IRAG1: variants seen among roughly 807,000 people sequenced by gnomAD.
IRAG1 encodes the protein IP3R-associated cGMP kinase substrate.
Under a neutral mutation model 106.2 loss-of-function variants are expected in IRAG1, and 62 were observed. The observed-to-expected ratio is 0.58, with a 90% CI of 0.48 to 0.72. The LOEUF (loss-of-function observed/expected upper bound fraction) is 0.72, where lower values mean the gene tolerates loss of function less well. IRAG1 is among the 30% of genes least tolerant of loss of function. The pLI is 0.00. For synonymous variants in IRAG1, 462 were observed against 443.9 expected (o/e 1.04, Z -0.51); for missense variants, 1,064 against 1,140.7 (o/e 0.93, Z 0.97).
At chr11:10,600,172 C>A (rs1853825080) in intron 15 of IRAG1, among the ~76,000 whole-genome samples, 1 of 152,200 alleles carries the variant, frequency 6.6e-6, no homozygotes, top group Non-Finnish European at 1.5e-5. Flanking sequence ...AAGATACCAT[C>A]CCTCTTTGAA....
Position 10,573,925 on chromosome 11 carries a change from C to G in IRAG1, c.*2407G>C, listed in dbSNP as rs1369989468. ...AGCTCCTTCAGTTGTATCCAGACCC[C>G]CTGGAAGAGGCCGGGCAAATCATCC... On this transcript the variant is annotated 3_prime_UTR_variant, in exon 21 of 21. Transcript: ENST00000423302. The G allele has an allele frequency of 2.0e-5, 3 of 152,408 alleles. No individual in the cohort carries two copies. Among genetic ancestry groups the G allele is most frequent in the Non-Finnish European group, 4.4e-5 (3 of 68,220 alleles). The allele number at this position is 152,408 out of a possible 1,614,324, so 9.4% of individuals were successfully genotyped here. A position where few individuals can be genotyped will look rare whatever the true frequency, so the allele number is the denominator to read the frequency against.
chr11:10,693,075 T>A lies in IRAG1; in HGVS notation c.67+461A>T, dbSNP rs570798386. 9.9e-5 allele frequency among the ~76,000 whole-genome samples: 15 copies of A among 152,062 alleles called. 1 individual carries two copies. Among genetic ancestry groups the A allele is most frequent in the Admixed American group, 9.8e-4 (15 of 15,258 alleles). ...GGCAGAGACAGAAATAGAGGCAGGC[T>A]TAAGGATCTAGACAGGTCATGCCAG... On this transcript the variant is annotated intron_variant, in intron 1 of 20. Coordinates refer to ENST00000423302, the MANE Select transcript of IRAG1 (RefSeq NM_130385.4).
At chr11:10,601,472 G>C (rs1854002340) in intron 14 of IRAG1, among the ~76,000 whole-genome samples, 2 of 152,198 alleles carry the variant, frequency 1.3e-5, no homozygotes, top group South Asian at 4.1e-4. Context: ...ATATGTAGAT[G>C]AGGTTTTATC....
At chr11:10,607,934 A>C (rs1310351038) in intron 11 of IRAG1, among the ~76,000 whole-genome samples, 1 of 152,224 alleles carries the variant, frequency 6.6e-6, no homozygotes, top group African/African-American at 2.4e-5. Flanking sequence ...ACTGTCATCT[A>C]CAGCATACAC....
At chr11:10,639,478 C>G (rs968724801) in intron 2 of IRAG1, among the ~76,000 whole-genome samples, 11 of 152,158 alleles carry the variant, frequency 7.2e-5, no homozygotes, top group Non-Finnish European at 1.5e-5. Context: ...GAAGGCTCGC[C>G]TTACGGAACT....
intron 10 of IRAG1, among the ~76,000 whole-genome samples, chr11:10,611,312 T>C (rs561693182): frequency 2.0e-5 from 3 of 152,284 alleles, no homozygotes; most frequent in African/African-American, 7.2e-5. Context: ...TCTGACAAGG[T>C]TTCTGTGGTA....
intron 15 of IRAG1, 134 bp downstream of exon 15, chr11:10,600,784 T>C: frequency 1.7e-6 from 2 of 1,204,634 alleles, no homozygotes; most frequent in Non-Finnish European, 2.3e-6. Context: ...GAGGCCCCTG[T>C]GGGCAGCACT....
At chr11:10,683,866 C>A (rs1167791700) in intron 1 of IRAG1, among the ~76,000 whole-genome samples, 1 of 139,870 alleles carries the variant, frequency 7.1e-6, no homozygotes. Flanking sequence ...TTAGGGAAAG[C>A]AGGAAAATTG....
intron 2 of IRAG1, among the ~76,000 whole-genome samples, chr11:10,651,000 T>G (rs952501396): frequency 3.9e-5 from 6 of 152,250 alleles, no homozygotes; most frequent in African/African-American, 1.4e-4. Flanking sequence ...TTTGTAAAAA[T>G]AATGCTCCAC....
At position 10,600,829 on chromosome 11, in the gene IRAG1, G is replaced by C. The variant is rs965719701; in HGVS notation, c.2017+89C>G. On this transcript the variant is annotated intron_variant, in intron 15 of 20. Transcript: ENST00000423302. The stretch of plus-strand genomic sequence containing the variant: ...TGCTGCTCAACTGGAAATAAGTCCT[G>C]GGGCTGTTCTGACAGCTCTAATCCT... 3 of 1,531,762 alleles carry C rather than the reference G, an allele frequency of 2.0e-6. No individual in the cohort carries two copies. The African/African-American group carries it at 4.1e-5, about 21-fold the overall frequency. 94.9% of individuals were successfully genotyped at this position (1,531,762 alleles called of 1,614,324 possible).
At position 10,615,914 on chromosome 11, in the gene IRAG1, T is replaced by C. The variant is rs1434936750; in HGVS notation, c.1448-6063A>G. Among the ~76,000 whole-genome samples, 3 of 142,940 alleles carry C rather than the reference T, an allele frequency of 2.1e-5. No individual in the cohort carries two copies. The East Asian group carries it at 6.6e-4, about 31-fold the overall frequency. The allele number at this position is 142,940 out of a possible 152,430, so 93.8% of individuals were successfully genotyped here. Reference sequence around the variant, plus strand: ...AACTTGCACGTTGTGCACATGTACCTTAGAACTTAAAGTATAATAATAAAA... The same window carrying C: ...AACTTGCACGTTGTGCACATGTACCCTAGAACTTAAAGTATAATAATAAAA... On this transcript the variant is annotated intron_variant, in intron 10 of 20. Transcript: ENST00000423302.
At chr11:10,691,353 G>C (rs910737420) in intron 1 of IRAG1, among the ~76,000 whole-genome samples, 1 of 152,236 alleles carries the variant, frequency 6.6e-6, no homozygotes, top group African/African-American at 2.4e-5. Flanking sequence ...TGCTCCTCCA[G>C]GAGGTGTGGG....
intron 1 of IRAG1, among the ~76,000 whole-genome samples, chr11:10,663,271 G>A (rs1859534837): frequency 6.6e-6 from 1 of 152,172 alleles, no homozygotes; most frequent in East Asian, 1.9e-4. Flanking sequence ...CCAGTTCCCA[G>A]TGTGCCTCTC....
At chr11:10,677,223 T>C (rs1274411590) in intron 1 of IRAG1, among the ~76,000 whole-genome samples, 1 of 152,150 alleles carries the variant, frequency 6.6e-6, no homozygotes, top group African/African-American at 2.4e-5. Flanking sequence ...GTTCCTCACT[T>C]CTTTCTTACC....
intron 16 of IRAG1, 199 bp from the exon 17 acceptor site, chr11:10,593,798 C>T (rs958882756): frequency 6.3e-5 from 37 of 582,824 alleles, no homozygotes; most frequent in African/African-American, 3.5e-4. Context: ...GGTGAGTGAA[C>T]GCTCAATCTG....
intron 2 of IRAG1, among the ~76,000 whole-genome samples, chr11:10,641,048 C>T (rs1391000354): frequency 6.6e-6 from 1 of 152,130 alleles, no homozygotes; most frequent in African/African-American, 2.4e-5. Flanking sequence ...ACTGTATTCT[C>T]TCTCTCTCTC....
chr11:10,585,520 C>G (rs1442607564), intron 18 of IRAG1, among the ~76,000 whole-genome samples: 1 of 151,388 alleles, frequency 6.6e-6, no homozygotes, highest in Non-Finnish European at 1.5e-5. Context: ...ATCTGTCAAA[C>G]AGAGAACAGT....
rs756394379 is a variant in IRAG1, at chr11:10,628,292, G to T, written c.653-267C>A. Among the ~76,000 whole-genome samples, 15 of 152,252 alleles carry T rather than the reference G, an allele frequency of 9.9e-5. No individual in the cohort carries two copies. Among genetic ancestry groups the T allele is most frequent in the African/African-American group, 3.6e-4 (15 of 41,550 alleles). ...ATTTGGGCCCAGGCTGCCTGGCCCC[G>T]ACCTGAGCGTGCCCTGCCGCACTGA... On this transcript the variant is annotated intron_variant, in intron 6 of 20. Coordinates refer to ENST00000423302, the MANE Select transcript of IRAG1 (RefSeq NM_130385.4). This position sits in a 1 kb window ranked among gnomAD's most constrained non-coding sequence, Gnocchi z 4.1.
chr11:10,632,464 G>A (rs936883437), intron 3 of IRAG1, among the ~76,000 whole-genome samples: 2 of 152,072 alleles, frequency 1.3e-5, no homozygotes, highest in Non-Finnish European at 2.9e-5. Context: ...GGGATTACAG[G>A]TATGAGCCAC....
Sources: allele counts gnomAD v4.1 joint callset (sites outside exome capture counted in the v4.1 genomes callset), GRCh38; gene constraint gnomAD v4.1.1; non-coding constraint Gnocchi (gnomAD v3.1); transcripts MANE v1.5; gene names NCBI Gene and HGNC (gene_info 2026-07-23, HGNC 2026-07-21).